The following ORMDL1 variants were observed in gnomAD, a reference collection of about 807,000 sequenced individuals.
ORMDL1 encodes ORMDL sphingolipid biosynthesis regulator 1.
Under a neutral mutation model 13.0 loss-of-function variants are expected in ORMDL1, and 10 were observed. The observed-to-expected ratio is 0.77, with a 90% CI of 0.47 to 1.30. The LOEUF (loss-of-function observed/expected upper bound fraction) is 1.30, where lower values mean the gene tolerates loss of function less well. ORMDL1 is among the 50% of genes most tolerant of loss of function. The pLI, the probability that ORMDL1 is intolerant of heterozygous loss-of-function variation, is 0.00. For synonymous variants in ORMDL1, 61 were observed against 63.9 expected, an observed-to-expected ratio of 0.95 and a Z score of 0.22; for missense variants, 171 against 186.7, an observed-to-expected ratio of 0.92 and a Z score of 0.49.
chr2:189,776,975 G>A (rs145382215), intron 3 of ORMDL1, among the ~76,000 whole-genome samples: 1 of 152,238 alleles, frequency 6.6e-6, no homozygotes, highest in African/African-American at 2.4e-5. Flanking sequence ...CTCAGCAAAT[G>A]GCAGGGGAGG....
chr2:189,771,865 T>C lies in ORMDL1; in HGVS notation c.364A>G (p.Thr122Ala). The change falls in exon 5 of 5, where the codon ACT becomes GCT. Residue 122 changes from threonine (T) to alanine (A), a missense_variant. By Grantham distance (58) the Thr-to-Ala change is moderately conservative (BLOSUM62 0). Coordinates refer to ENST00000392349, the MANE Select transcript of ORMDL1 (RefSeq NM_016467.5). ...GAAGCTGTGTTTAGGATGAAGTGAG[T>C]TGGATCATACTTCGTATAGAAACTT... Reference protein sequence around the residue: ...LASFYTKYDPTHFILNTASLL... With the variant: ...LASFYTKYDPAHFILNTASLL... The C allele has an allele frequency of 6.2e-7, 1 of 1,606,960 alleles. No homozygotes were observed. Among genetic ancestry groups the C allele is most frequent in the Non-Finnish European group, 8.5e-7 (1 of 1,174,936 alleles).
At chr2:189,780,169 T>C (rs1280342173) in intron 3 of ORMDL1, among the ~76,000 whole-genome samples, 3 of 152,088 alleles carry the variant, frequency 2.0e-5, no homozygotes, top group Admixed American at 1.3e-4. Context: ...GATAATTTTA[T>C]ATAGTATCTT....
chr2:189,780,257 C>T lies in ORMDL1; in HGVS notation c.174+2165G>A, dbSNP rs540131437. ...TCAGGAAGTCAGGTATGGAATTTTC[C>T]GCTTGTGGCACAACACTGGTGCTAA... On this transcript the variant is annotated intron_variant, in intron 3 of 4. Coordinates refer to ENST00000392349, the MANE Select transcript of ORMDL1 (RefSeq NM_016467.5). Among the ~76,000 whole-genome samples the T allele has an allele frequency of 3.3e-5, 5 of 152,172 alleles. No homozygotes were observed. The South Asian group carries it at 8.3e-4, about 25-fold the overall frequency.
chr2:189,782,732 C>A, intron 2 of ORMDL1, 130 bp from the exon 3 acceptor site: 2 of 723,956 alleles, frequency 2.8e-6, no homozygotes, highest in Non-Finnish European at 4.5e-6. Context: ...CACACAAACA[C>A]CATCCAAAAT....
chr2:189,771,658 G>T lies in ORMDL1; in HGVS notation c.*109C>A. On this transcript the variant is annotated 3_prime_UTR_variant, in exon 5 of 5. Coordinates refer to ENST00000392349, the MANE Select transcript of ORMDL1 (RefSeq NM_016467.5). ...AAGGACCAGCCATTGGCCCTCCAAT[G>T]TAAATACTTCTCATTTCACATTATC... 9.8e-7 allele frequency: 1 copy of T among 1,024,070 alleles called. No individual in the cohort carries two copies. The highest frequency in any genetic ancestry group is 1.4e-6 in the Non-Finnish European group (1 of 732,086). The allele number at this position is 1,024,070 out of a possible 1,614,324, so 63.4% of individuals were successfully genotyped here. A position where few individuals can be genotyped will look rare whatever the true frequency, so the allele number is the denominator to read the frequency against.
intron 3 of ORMDL1, among the ~76,000 whole-genome samples, chr2:189,777,450 G>A (rs2047724675): frequency 6.6e-6 from 1 of 152,130 alleles, no homozygotes; most frequent in Non-Finnish European, 1.5e-5. Flanking sequence ...TAGAATATAA[G>A]AGAATAATCA....
At chr2:189,767,112 G>A (rs2047495246), downstream of ORMDL1, among the ~76,000 whole-genome samples, 1 of 152,126 alleles carries the variant, frequency 6.6e-6, no homozygotes, top group Non-Finnish European at 1.5e-5. Flanking sequence ...CTTCTTTTGG[G>A]TATATACCCG....
rs113983916 is a variant in ORMDL1, at chr2:189,782,410, T to C, written c.174+12A>G. 6.2e-7 allele frequency: 1 copy of C among 1,604,750 alleles called. No homozygotes were observed. The highest frequency in any genetic ancestry group is 8.5e-7 in the Non-Finnish European group (1 of 1,173,030). ...AAACTTTTAAGTGTTTAGTATAATG[T>C]GAAATTCTTACCAGATTATGTATAA... On this transcript the variant is annotated intron_variant, in intron 3 of 4. Transcript: ENST00000392349.
chr2:189,772,763 T>C (rs942517231), intron 4 of ORMDL1, among the ~76,000 whole-genome samples: 3 of 152,242 alleles, frequency 2.0e-5, no homozygotes, highest in African/African-American at 4.8e-5. Flanking sequence ...AGTATTCTAA[T>C]AGCCTTTACT....
In ORMDL1 at chr2:189,771,633, A is replaced by G; in HGVS notation, c.*134T>C. On this transcript the variant is annotated 3_prime_UTR_variant, in exon 5 of 5. Coordinates refer to ENST00000392349, the MANE Select transcript of ORMDL1 (RefSeq NM_016467.5). ...AATCTGCACTTCAAAACAGCACTTGAAGGACCAGCCATTGGCCCTCCAATG... is the reference window on the plus strand; with the variant it reads ...AATCTGCACTTCAAAACAGCACTTGGAGGACCAGCCATTGGCCCTCCAATG... 1 of 729,582 alleles carries G rather than the reference A, an allele frequency of 1.4e-6. No individual in the cohort carries two copies. Among genetic ancestry groups the G allele is most frequent in the South Asian group, 2.4e-5 (1 of 42,414 alleles). The allele number at this position is 729,582 out of a possible 1,614,324, so 45.2% of individuals were successfully genotyped here. A position where few individuals can be genotyped will look rare whatever the true frequency, so the allele number is the denominator to read the frequency against.
intron 4 of ORMDL1, 24 bp downstream of exon 4, chr2:189,775,541 T>C: frequency 6.3e-7 from 1 of 1,579,740 alleles, no homozygotes; most frequent in South Asian, 1.2e-5. Context: ...ATCCTCCTCA[T>C]ACCTAAAAAT....
intron 4 of ORMDL1, among the ~76,000 whole-genome samples, chr2:189,773,002 T>A (rs1350747689): frequency 1.3e-5 from 2 of 152,210 alleles, no homozygotes; most frequent in Non-Finnish European, 2.9e-5. Flanking sequence ...CTTCCTGTTT[T>A]CATATATTTG....
At position 189,784,322 on chromosome 2, in the gene ORMDL1, G is replaced by A. The variant is rs1428255121; in HGVS notation, c.-171C>T. 3.9e-5 allele frequency: 6 copies of A among 152,398 alleles called. No individual in the cohort carries two copies. Among genetic ancestry groups the A allele is most frequent in the Admixed American group, 6.5e-5 (1 of 15,286 alleles). 9.4% of individuals were successfully genotyped at this position (152,398 alleles called of 1,614,324 possible). A position where few individuals can be genotyped will look rare whatever the true frequency, so the allele number is the denominator to read the frequency against. ...GCAGCAGGACCAGCCCGGCTGCTAC[G>A]GCCGCGGATACACGCCCTCAGGCCC... On this transcript the variant is annotated 5_prime_UTR_variant, in exon 1 of 5. Transcript: ENST00000392349.
intron 3 of ORMDL1, 126 bp downstream of exon 3, chr2:189,782,296 T>G (rs764507862): frequency 4.0e-6 from 3 of 753,526 alleles, no homozygotes; most frequent in Non-Finnish European, 6.3e-6. Context: ...CAGAACTCTC[T>G]TCATCTTGCA....
rs1265729158 is a variant in ORMDL1, at chr2:189,771,004, A to G, written c.*763T>C. 6.6e-6 allele frequency: 1 copy of G among 152,236 alleles called. No individual in the cohort carries two copies. Among genetic ancestry groups the G allele is most frequent in the Non-Finnish European group, 1.5e-5 (1 of 68,040 alleles). The allele number at this position is 152,236 out of a possible 1,614,324, so 9.4% of individuals were successfully genotyped here. A position where few individuals can be genotyped will look rare whatever the true frequency, so the allele number is the denominator to read the frequency against. On this transcript the variant is annotated 3_prime_UTR_variant, in exon 5 of 5. Coordinates refer to ENST00000392349, the MANE Select transcript of ORMDL1 (RefSeq NM_016467.5). ...TTACCATATATTTTTTAGTTGCTTG[A>G]AAGAAATTAATTATTTTCTTAATTG...
At chr2:189,766,366 C>T (rs1188455327), downstream of ORMDL1, among the ~76,000 whole-genome samples, 1 of 152,204 alleles carries the variant, frequency 6.6e-6, no homozygotes, top group Non-Finnish European at 1.5e-5. Flanking sequence ...CATTGCTATG[C>T]AACTATGACT....
chr2:189,766,517 C>T (rs1271649911), downstream of ORMDL1, among the ~76,000 whole-genome samples: 2 of 152,144 alleles, frequency 1.3e-5, no homozygotes, highest in African/African-American at 2.4e-5. Flanking sequence ...TACCTGGAGT[C>T]AGGAGTTCGA....
chr2:189,764,013 A>G, the ORMDL1 span: 1 of 152,162 alleles, frequency 6.6e-6, no homozygotes, highest in Non-Finnish European at 1.5e-5. Context: ...TTTACAGGCA[A>G]CTGGGCCACA....
At position 189,776,839 on chromosome 2, in the gene ORMDL1, A is replaced by G. The variant is rs183360052; in HGVS notation, c.175-1123T>C. Among the ~76,000 whole-genome samples, 63 of 152,300 alleles carry G rather than the reference A, an allele frequency of 4.1e-4. No individual in the cohort carries two copies. The East Asian group carries it at 0.012, about 28-fold the overall frequency. On this transcript the variant is annotated intron_variant, in intron 3 of 4. Transcript: ENST00000392349. ...CAAGACATAGGACATATATGCACAT[A>G]TGAAATTGAATGAGATGTACCCAAG...
Sources: allele counts gnomAD v4.1 joint callset (sites outside exome capture counted in the v4.1 genomes callset), GRCh38; gene constraint gnomAD v4.1.1; transcripts MANE v1.5; gene names NCBI Gene and HGNC (gene_info 2026-07-23, HGNC 2026-07-21).